IL1RAPL1: variants seen among roughly 807,000 people sequenced by gnomAD.
The protein encoded by IL1RAPL1 is interleukin 1 receptor accessory protein like 1.
In IL1RAPL1, 3 loss-of-function variants were observed where a neutral mutation model predicts 48.4. The observed-to-expected ratio is 0.06, with a 90% CI of 0.03 to 0.16. IL1RAPL1 has a LOEUF of 0.16. Ranked by LOEUF, IL1RAPL1 falls within the 10% of genes least tolerant of loss-of-function variation. IL1RAPL1 has a pLI of 1.00. For synonymous variants in IL1RAPL1, 185 were observed against 187.7 expected, an observed-to-expected ratio of 0.99 and a Z score of 0.12; for missense variants, 349 against 530.6, an observed-to-expected ratio of 0.66 and a Z score of 3.36.
At chrX:29,136,164 G>A (rs1429659931) in intron 2 of IL1RAPL1, among the ~76,000 whole-genome samples, 2 of 64,156 alleles carry the variant, frequency 3.1e-5, no homozygotes, top group African/African-American at 1.2e-4. Context: ...TTTTGCTCTT[G>A]TTGCCTAGGC....
intron 5 of IL1RAPL1, among the ~76,000 whole-genome samples, chrX:29,576,946 T>C (rs2034062476): frequency 8.9e-6 from 1 of 111,741 alleles, no homozygotes; most frequent in African/African-American, 3.3e-5. Flanking sequence ...GGCAGTGCTT[T>C]AGTTTAGAAA....
At chrX:29,316,630 G>C (rs1308790017) in intron 3 of IL1RAPL1, among the ~76,000 whole-genome samples, 1 of 112,001 alleles carries the variant, frequency 8.9e-6, no homozygotes, top group African/African-American at 3.2e-5. Context: ...AAAAGGGTGA[G>C]ATATCTTGAA....
At chrX:28,860,839 A>G (rs1921925142) in intron 2 of IL1RAPL1, among the ~76,000 whole-genome samples, 1 of 111,497 alleles carries the variant, frequency 9.0e-6, no homozygotes, top group Non-Finnish European at 1.9e-5. Context: ...CTAGGACTTT[A>G]CCAATCTAAG....
chrX:29,312,756 C>T (rs1182584864), intron 3 of IL1RAPL1, among the ~76,000 whole-genome samples: 1 of 111,413 alleles, frequency 9.0e-6, no homozygotes. Context: ...GAACTGTACT[C>T]CCATAATTCC....
chrX:29,186,977 G>T (rs755245921), intron 2 of IL1RAPL1, among the ~76,000 whole-genome samples: 38 of 110,590 alleles, frequency 3.4e-4, no homozygotes, highest in Non-Finnish European at 6.2e-4. Flanking sequence ...GTTGGAGTTG[G>T]GGGGGAGGGA....
intron 1 of IL1RAPL1, among the ~76,000 whole-genome samples, chrX:28,696,399 A>G: frequency 8.9e-6 from 1 of 111,990 alleles, no homozygotes; most frequent in Admixed American, 9.5e-5. Flanking sequence ...ACACTCAATA[A>G]TGAGTCATAG....
chrX:29,711,995 T>G (rs1031790846), intron 6 of IL1RAPL1, among the ~76,000 whole-genome samples: 9 of 111,269 alleles, frequency 8.1e-5, no homozygotes, highest in African/African-American at 2.9e-4. Context: ...AATGTTCTTT[T>G]AAGTTTAGCA....
At chrX:28,945,220 A>T (rs1924266157) in intron 2 of IL1RAPL1, among the ~76,000 whole-genome samples, 1 of 111,374 alleles carries the variant, frequency 9.0e-6, no homozygotes, top group South Asian at 3.8e-4. Context: ...AGAACCAGAA[A>T]TACCATTTGA....
At chrX:29,430,749 G>A (rs1389562190) in intron 5 of IL1RAPL1, among the ~76,000 whole-genome samples, 2 of 109,750 alleles carry the variant, frequency 1.8e-5, no homozygotes, top group African/African-American at 6.6e-5. Context: ...TGTATTTCGT[G>A]TGTGTATATG....
At chrX:29,747,558 C>A (rs1928362879) in intron 6 of IL1RAPL1, among the ~76,000 whole-genome samples, 2 of 111,895 alleles carry the variant, frequency 1.8e-5, no homozygotes, top group Admixed American at 1.9e-4. Flanking sequence ...ACAGTGGAGT[C>A]ATCCTGAAAT....
At chrX:28,667,029 G>T (rs1474201799) in intron 1 of IL1RAPL1, among the ~76,000 whole-genome samples, 2 of 111,539 alleles carry the variant, frequency 1.8e-5, no homozygotes, top group Non-Finnish European at 3.8e-5. Context: ...CTAATGACAT[G>T]TCAATTCTAC....
chrX:29,769,610 A>ATTT (rs146650137), intron 6 of IL1RAPL1, among the ~76,000 whole-genome samples: 3,358 of 43,044 alleles, frequency 0.078, 200 homozygotes, highest in Middle Eastern at 0.25. Flanking sequence ...TGCCTGGCTA[A>ATTT]TTTTTTTTTT....
At chrX:29,874,778 A>G (rs1931868759) in intron 6 of IL1RAPL1, among the ~76,000 whole-genome samples, 1 of 112,280 alleles carries the variant, frequency 8.9e-6, no homozygotes, top group South Asian at 3.7e-4. Flanking sequence ...GTATTTTGCA[A>G]AGACGCTTCC....
chrX:28,763,309 G>A (rs769122660), intron 1 of IL1RAPL1, among the ~76,000 whole-genome samples: 5 of 111,818 alleles, frequency 4.5e-5, no homozygotes, highest in Admixed American at 9.5e-5. Context: ...TGTTTTGTAC[G>A]TTAATGGATA....
intron 1 of IL1RAPL1, among the ~76,000 whole-genome samples, chrX:28,601,809 T>A (rs1159872942): frequency 1.9e-5 from 2 of 105,489 alleles, no homozygotes; most frequent in African/African-American, 3.4e-5. Flanking sequence ...ATAATAATAA[T>A]AAAAAAAAAA....
chrX:28,809,471 A>G (rs1936767053), intron 2 of IL1RAPL1, among the ~76,000 whole-genome samples: 2 of 110,814 alleles, frequency 1.8e-5, no homozygotes, highest in African/African-American at 6.5e-5. Context: ...AAGTGAGAAC[A>G]TGGGAAAAGC....
chrX:29,040,945 C>T (rs894203550), intron 2 of IL1RAPL1, among the ~76,000 whole-genome samples: 2 of 112,119 alleles, frequency 1.8e-5, no homozygotes, highest in African/African-American at 6.5e-5. Context: ...GACATTTTAC[C>T]TTTCTTCTAA....
At chrX:29,571,920 A>C (rs1396256124) in intron 5 of IL1RAPL1, among the ~76,000 whole-genome samples, 1 of 112,035 alleles carries the variant, frequency 8.9e-6, no homozygotes, top group African/African-American at 3.2e-5. Flanking sequence ...ATGATTATTG[A>C]GCAACTATAT....
intron 5 of IL1RAPL1, among the ~76,000 whole-genome samples, chrX:29,546,466 AAT>A (rs1281948847): frequency 1.8e-5 from 2 of 111,819 alleles, no homozygotes; most frequent in Non-Finnish European, 3.8e-5. Flanking sequence ...TATATATATA[AAT>A]ATGACATAAA....
Sources: allele counts gnomAD v4.1 joint callset (sites outside exome capture counted in the v4.1 genomes callset), GRCh38; gene constraint gnomAD v4.1.1; transcripts MANE v1.5; gene names NCBI Gene and HGNC (gene_info 2026-07-23, HGNC 2026-07-21).